Variants in SIAH1 observed in about 807,000 individuals in gnomAD.
The protein encoded by SIAH1 is E3 ubiquitin-protein ligase SIAH1.
SIAH1 carries 2 observed loss-of-function variants against 20.0 expected under a neutral mutation model. The observed-to-expected ratio is 0.10, with a 90% CI of 0.04 to 0.31. The LOEUF (loss-of-function observed/expected upper bound fraction) is 0.31, where lower values mean the gene tolerates loss of function less well. Among genes scored for constraint, SIAH1 ranks in the 10% least tolerant of loss-of-function variants. SIAH1 has a pLI of 1.00. For missense variants in SIAH1, 119 were observed against 355.3 expected (o/e 0.33, Z 5.35); for synonymous variants, 118 against 125.3 (o/e 0.94, Z 0.39).
At chr16:48,370,869 T>C (rs1209688499) in intron 1 of SIAH1, among the ~76,000 whole-genome samples, 4 of 151,212 alleles carry the variant, frequency 2.6e-5, no homozygotes, top group Non-Finnish European at 4.4e-5. Flanking sequence ...CCCAACAACT[T>C]TGGGAAGCCA....
Position 48,361,489 on chromosome 16 carries a change from G to A in SIAH1, c.*91C>T, listed in dbSNP as rs753782001. The A allele has an allele frequency of 1.5e-5, 20 of 1,330,942 alleles. 1 individual carries two copies. The highest frequency in any genetic ancestry group is 2.4e-5 in the South Asian group (2 of 83,656). The allele number at this position is 1,330,942 out of a possible 1,614,324, so 82.4% of individuals were successfully genotyped here. On this transcript the variant is annotated 3_prime_UTR_variant, in exon 2 of 2. Coordinates refer to ENST00000394725, the MANE Select transcript of SIAH1 (RefSeq NM_003031.4). Reference sequence around the variant, plus strand: ...TTCATGTGTCTAGCTTCCACCTACCGAAAGAGTTTTAGGTTGGCAGACAGA... The same window carrying A: ...TTCATGTGTCTAGCTTCCACCTACCAAAAGAGTTTTAGGTTGGCAGACAGA...
chr16:48,382,568 G>A (rs576129806), intron 1 of SIAH1, among the ~76,000 whole-genome samples: 2 of 152,202 alleles, frequency 1.3e-5, no homozygotes, highest in African/African-American at 2.4e-5. Context: ...AAGTGCATTA[G>A]ACATCCTGCT....
At chr16:48,364,902 T>C (rs1960768585) in intron 1 of SIAH1, 1 of 153,918 alleles carries the variant, frequency 6.5e-6, no homozygotes, top group Non-Finnish European at 1.4e-5. Context: ...AGCAAAACAC[T>C]GTTGTTCACA....
intron 1 of SIAH1, among the ~76,000 whole-genome samples, chr16:48,377,045 G>A (rs1178602354): frequency 6.6e-6 from 1 of 152,134 alleles, no homozygotes; most frequent in East Asian, 1.9e-4. Flanking sequence ...AGACCAAGGT[G>A]GTCGATGTGA....
Position 48,362,484 on chromosome 16 carries a change from T to C in SIAH1, c.-2-54A>G. ...AAAAATAATTATAACCATGACTTAC[T>C]TTATAAATAATGTTTACATGCCATA... On this transcript the variant is annotated intron_variant, in intron 1 of 1. Coordinates refer to ENST00000394725, the MANE Select transcript of SIAH1 (RefSeq NM_003031.4). This position sits in a 1 kb window ranked among gnomAD's most constrained non-coding sequence, Gnocchi z 4.2. The C allele has an allele frequency of 1.3e-6, 2 of 1,570,124 alleles. No individual in the cohort carries two copies. The highest frequency in any genetic ancestry group is 1.7e-6 in the Non-Finnish European group (2 of 1,146,020).
chr16:48,374,167 TTTG>T (rs1270205777), intron 1 of SIAH1, among the ~76,000 whole-genome samples: 10 of 152,366 alleles, frequency 6.6e-5, no homozygotes, highest in Admixed American at 5.9e-4. Flanking sequence ...TTATTTTTTA[TTTG>T]TTGTTATAGG....
chr16:48,382,415 T>C (rs1189202177), intron 1 of SIAH1, among the ~76,000 whole-genome samples: 2 of 152,010 alleles, frequency 1.3e-5, no homozygotes, highest in Admixed American at 1.3e-4. Context: ...AAGATCTGAA[T>C]GTCATTAGAA....
At chr16:48,379,908 G>C (rs958268009) in intron 1 of SIAH1, among the ~76,000 whole-genome samples, 1 of 152,056 alleles carries the variant, frequency 6.6e-6, no homozygotes, top group African/African-American at 2.4e-5. Context: ...ATGTACTTAC[G>C]AACCATATCA....
At chr16:48,372,424 C>T (rs1961008681) in intron 1 of SIAH1, among the ~76,000 whole-genome samples, 1 of 152,164 alleles carries the variant, frequency 6.6e-6, no homozygotes, top group Admixed American at 6.5e-5. Context: ...AAGGAGTTCA[C>T]ATTTCTCTAA....
chr16:48,365,648 C>T (rs1184561390), intron 1 of SIAH1: 4 of 1,430,652 alleles, frequency 2.8e-6, no homozygotes, highest in African/African-American at 2.9e-5. Context: ...GGAAGCCTTT[C>T]CATCCCCAGG....
At chr16:48,384,875 C>G (rs1301373307) in intron 1 of SIAH1, among the ~76,000 whole-genome samples, 1 of 144,002 alleles carries the variant, frequency 6.9e-6, no homozygotes, top group Non-Finnish European at 1.5e-5. Context: ...GCCCGCCTCC[C>G]GGGCGCGCGG....
rs1190337928 is a variant in SIAH1, at chr16:48,365,643, C to A, written c.-2-3213G>T. 7.0e-6 allele frequency: 10 copies of A among 1,427,262 alleles called. No homozygotes were observed. In the African/African-American group the frequency reaches 1.3e-4, roughly 18 times the overall value. The allele number at this position is 1,427,262 out of a possible 1,614,324, so 88.4% of individuals were successfully genotyped here. On this transcript the variant is annotated intron_variant, in intron 1 of 1. Transcript: ENST00000394725. The stretch of plus-strand genomic sequence containing the variant: ...CAGTTACAGAGGTGGAGAAAGGAAG[C>A]CTTTCCATCCCCAGGAGGCAACCAC...
intron 1 of SIAH1, among the ~76,000 whole-genome samples, chr16:48,369,523 G>A (rs1032700484): frequency 2.6e-5 from 4 of 152,162 alleles, no homozygotes; most frequent in African/African-American, 4.8e-5. Context: ...AGGATCACTT[G>A]AGCCCAAGAG....
chr16:48,373,227 G>A (rs921566772), intron 1 of SIAH1, among the ~76,000 whole-genome samples: 3 of 151,962 alleles, frequency 2.0e-5, no homozygotes, highest in African/African-American at 7.3e-5. Flanking sequence ...AACATGCTAA[G>A]GATTTCAAAA....
intron 1 of SIAH1, among the ~76,000 whole-genome samples, chr16:48,371,357 T>C (rs930183378): frequency 1.3e-5 from 2 of 152,234 alleles, no homozygotes; most frequent in African/African-American, 2.4e-5. Context: ...AAATCATGTA[T>C]GTTCTCCTTA....
At chr16:48,366,268 C>T (rs888738793) in intron 1 of SIAH1, among the ~76,000 whole-genome samples, 4 of 152,226 alleles carry the variant, frequency 2.6e-5, no homozygotes, top group African/African-American at 9.7e-5. Context: ...CGTGGCCACA[C>T]TGGCGCTACG....
intron 1 of SIAH1, among the ~76,000 whole-genome samples, chr16:48,364,593 T>C (rs1292284296): frequency 1.3e-5 from 2 of 152,184 alleles, no homozygotes; most frequent in Admixed American, 6.5e-5. Context: ...CAAAGGACTA[T>C]AAGGGAGCTC....
chr16:48,382,135 G>C (rs976660613), intron 1 of SIAH1, among the ~76,000 whole-genome samples: 9 of 152,342 alleles, frequency 5.9e-5, no homozygotes, highest in South Asian at 2.1e-4. Context: ...TCAGCACTTT[G>C]GGAGTCCGAG....
chr16:48,365,918 A>G, intron 1 of SIAH1: 1 of 1,224,452 alleles, frequency 8.2e-7, no homozygotes, highest in Non-Finnish European at 1.0e-6. Flanking sequence ...AGCCATTTGG[A>G]GCCTCGGCCG....
Sources: gnomAD v4.1 joint callset for allele counts (sites outside exome capture counted in the v4.1 genomes callset) on GRCh38, gnomAD v4.1.1 for gene constraint, Gnocchi (gnomAD v3.1) non-coding constraint, MANE v1.5 for transcripts, NCBI Gene and HGNC (gene_info 2026-07-23, HGNC 2026-07-21) for gene names.